Variants in PCDH15 observed in about 807,000 individuals in gnomAD.
PCDH15 encodes the protein protocadherin related 15.
PCDH15 carries 129 observed loss-of-function variants against 178.5 expected under a neutral mutation model. The ratio of observed to expected loss-of-function variants is 0.72; its 90% CI spans 0.63 to 0.84. The LOEUF (loss-of-function observed/expected upper bound fraction) is 0.84, where lower values mean the gene tolerates loss of function less well. Among genes scored for constraint, PCDH15 ranks in the 40% least tolerant of loss-of-function variants. PCDH15 has a pLI of 0.00. For missense variants in PCDH15, 2,230 were observed against 2,099.9 expected (o/e 1.06, Z -1.21); for synonymous variants, 800 against 732.0 (o/e 1.09, Z -1.50).
At chr10:55,169,722 TA>T (rs1371629636) in intron 1 of PCDH15, among the ~76,000 whole-genome samples, 1 of 152,196 alleles carries the variant, frequency 6.6e-6, no homozygotes, top group African/African-American at 2.4e-5. Flanking sequence ...AGGGTGGTTG[TA>T]GGCATTTATA....
intron 2 of PCDH15, among the ~76,000 whole-genome samples, chr10:55,016,095 TTTTA>T (rs1564718110): frequency 3.3e-5 from 2 of 60,680 alleles, no homozygotes; most frequent in African/African-American, 2.4e-4. Context: ...GACCTTTTTT[TTTTA>T]AAAAAAAAAA....
intron 1 of PCDH15, among the ~76,000 whole-genome samples, chr10:55,230,074 T>G (rs761581861): frequency 6.6e-6 from 1 of 152,084 alleles, no homozygotes; most frequent in Non-Finnish European, 1.5e-5. Context: ...TATAGCATAG[T>G]GGAGCTAAGT....
intron 1 of PCDH15, among the ~76,000 whole-genome samples, chr10:55,254,034 C>T (rs1484941702): frequency 6.6e-6 from 1 of 152,130 alleles, no homozygotes; most frequent in Non-Finnish European, 1.5e-5. Flanking sequence ...CTTTTATACA[C>T]AGGTCTTCTT....
upstream of PCDH15, among the ~76,000 whole-genome samples, chr10:54,801,779 A>G (rs552055668): frequency 6.6e-6 from 1 of 152,334 alleles, no homozygotes; most frequent in South Asian, 2.1e-4. Context: ...GATTTTTACA[A>G]ACACGTGTGA....
At chr10:55,179,866 T>C (rs1216387580) in intron 1 of PCDH15, among the ~76,000 whole-genome samples, 1 of 151,958 alleles carries the variant, frequency 6.6e-6, no homozygotes, top group Admixed American at 6.6e-5. Context: ...CACTCCCTCC[T>C]GCTTGCTGAA....
At chr10:55,167,670 G>T (rs2132119796) in intron 1 of PCDH15, among the ~76,000 whole-genome samples, 1 of 152,174 alleles carries the variant, frequency 6.6e-6, no homozygotes, top group Admixed American at 6.5e-5. Context: ...CACATGTCAA[G>T]AAATAGGTAC....
At position 53,809,492 on chromosome 10, in the gene PCDH15, C is replaced by A. The variant is rs778362385; in HGVS notation, c.4671+1064G>T. 3.7e-6 allele frequency: 6 copies of A among 1,613,470 alleles called. No homozygotes were observed. Among genetic ancestry groups the A allele is most frequent in the Middle Eastern group, 1.7e-4 (1 of 6,060 alleles). On this transcript the variant is annotated intron_variant, in intron 37 of 37. Transcript: ENST00000644397. Reference sequence around the variant, plus strand: ...TCGATAGTTACAACTACTTCTTCCTCCTCACTAGGCTCTCTAATTTCAACC... The same window carrying A: ...TCGATAGTTACAACTACTTCTTCCTACTCACTAGGCTCTCTAATTTCAACC...
intron 1 of PCDH15, among the ~76,000 whole-genome samples, chr10:55,239,688 G>A (rs1841489463): frequency 6.6e-6 from 1 of 151,972 alleles, no homozygotes; most frequent in Non-Finnish European, 1.5e-5. Context: ...CAGACAAATG[G>A]GATCACATCA....
At chr10:55,294,723 C>T (rs1281766874) in intron 1 of PCDH15, among the ~76,000 whole-genome samples, 5 of 152,080 alleles carry the variant, frequency 3.3e-5, no homozygotes, top group Non-Finnish European at 7.4e-5. Flanking sequence ...ATTGAATAGT[C>T]AGTTATGTAA....
At chr10:54,325,246 C>T (rs1937688526) in intron 7 of PCDH15, among the ~76,000 whole-genome samples, 2 of 151,960 alleles carry the variant, frequency 1.3e-5, no homozygotes, top group South Asian at 4.2e-4. Flanking sequence ...GGATTCTCTT[C>T]GAAAATCAAA....
intron 2 of PCDH15, among the ~76,000 whole-genome samples, chr10:55,530,366 A>T (rs563981829): frequency 2.1e-4 from 32 of 151,902 alleles, no homozygotes; most frequent in Non-Finnish European, 2.8e-4. Flanking sequence ...TATGAATTTT[A>T]AAAAAATTCA....
At chr10:55,485,264 C>G (rs559936531) in intron 2 of PCDH15, among the ~76,000 whole-genome samples, 1 of 151,676 alleles carries the variant, frequency 6.6e-6, no homozygotes, top group South Asian at 2.1e-4. Flanking sequence ...ATGCAATTAG[C>G]CAATAAGTGT....
intron 16 of PCDH15, among the ~76,000 whole-genome samples, chr10:54,084,414 A>C (rs1454192831): frequency 6.6e-6 from 1 of 151,798 alleles, no homozygotes; most frequent in Non-Finnish European, 1.5e-5. Context: ...CGGAGGTTGC[A>C]GTAAGCCGAG....
chr10:55,356,203 T>C (rs1422277853), intron 2 of PCDH15, among the ~76,000 whole-genome samples: 1 of 146,024 alleles, frequency 6.8e-6, no homozygotes, highest in Non-Finnish European at 1.5e-5. Context: ...TATAAAAAAA[T>C]TGAAAACTAA....
intron 15 of PCDH15, among the ~76,000 whole-genome samples, chr10:54,103,427 G>GTATT (rs1248682477): frequency 6.6e-6 from 1 of 152,152 alleles, no homozygotes; most frequent in Non-Finnish European, 1.5e-5. Context: ...TACTCCTATT[G>GTATT]TATTTAAATT....
intron 26 of PCDH15, among the ~76,000 whole-genome samples, chr10:53,867,896 G>T (rs751386180): frequency 2.6e-5 from 4 of 151,886 alleles, no homozygotes; most frequent in Middle Eastern, 3.2e-3. Context: ...CCTGTATCCC[G>T]ATTAAACATA....
intron 2 of PCDH15, among the ~76,000 whole-genome samples, chr10:54,987,706 G>GTT (rs57340864): frequency 1.5e-4 from 21 of 140,660 alleles, no homozygotes; most frequent in African/African-American, 5.2e-4. Flanking sequence ...ACTTTTTGAT[G>GTT]TTTTTTTTTT....
chr10:54,028,427 C>G (rs1208854972), intron 18 of PCDH15, among the ~76,000 whole-genome samples: 4 of 150,924 alleles, frequency 2.7e-5, no homozygotes, highest in African/African-American at 9.7e-5. Flanking sequence ...ACCCAGCCAT[C>G]CCATTACTGG....
intron 3 of PCDH15, among the ~76,000 whole-genome samples, chr10:54,415,150 G>T (rs1433825748): frequency 6.6e-6 from 1 of 151,904 alleles, no homozygotes; most frequent in Non-Finnish European, 1.5e-5. Flanking sequence ...AATATGATAA[G>T]AAAGTACATT....
Sources: gnomAD v4.1 joint callset for allele counts (sites outside exome capture counted in the v4.1 genomes callset) on GRCh38, gnomAD v4.1.1 for gene constraint, MANE v1.5 for transcripts, NCBI Gene and HGNC (gene_info 2026-07-23, HGNC 2026-07-21) for gene names.